Variants in HEATR6 observed in about 807,000 individuals in gnomAD.
HEATR6 encodes HEAT repeat-containing protein 6.
In HEATR6, 106 loss-of-function variants were observed where a neutral mutation model predicts 132.8. The ratio of observed to expected loss-of-function variants is 0.80; its 90% CI spans 0.68 to 0.94. The LOEUF is 0.94. Among genes scored for constraint, HEATR6 ranks in the 40% least tolerant of loss-of-function variants. The probability of loss-of-function intolerance (pLI) is 0.00; values close to 1 mark genes in which losing one functional copy is unlikely to be tolerated. For missense variants in HEATR6, 1,339 were observed against 1,425.1 expected, an observed-to-expected ratio of 0.94 and a Z score of 0.97; for synonymous variants, 529 against 537.8, an observed-to-expected ratio of 0.98 and a Z score of 0.23.
chr17:60,069,702 T>C lies in HEATR6; in HGVS notation c.939+9A>G. 1.9e-6 allele frequency: 3 copies of C among 1,612,958 alleles called. No homozygotes were observed. Among genetic ancestry groups the C allele is most frequent in the Non-Finnish European group, 1.7e-6 (2 of 1,179,344 alleles). On this transcript the variant is annotated intron_variant, in intron 7 of 19. Coordinates refer to ENST00000184956, the MANE Select transcript of HEATR6 (RefSeq NM_022070.5). The stretch of plus-strand genomic sequence containing the variant: ...GCCACAACTTAAATCTAAATAAACA[T>C]AAATGTACCAAAGTTGGTCGAGAAG...
chr17:60,051,912 T>G lies in HEATR6; in HGVS notation c.2290-935A>C, dbSNP rs568157930. Among the ~76,000 whole-genome samples, 7 of 152,302 alleles carry G rather than the reference T, an allele frequency of 4.6e-5. No individual in the cohort carries two copies. In the South Asian group the frequency reaches 1.5e-3, roughly 32 times the overall value. ...ACACAATTACAGTCACCTACTAATA[T>G]TTACACCCTTGTGTAGTCCCCTCCC... On this transcript the variant is annotated intron_variant, in intron 14 of 19. Coordinates refer to ENST00000184956, the MANE Select transcript of HEATR6 (RefSeq NM_022070.5).
rs144612232 is a variant in HEATR6, at chr17:60,064,250, A to G, written c.1416+1959T>C. On this transcript the variant is annotated intron_variant, in intron 9 of 19. Coordinates refer to ENST00000184956, the MANE Select transcript of HEATR6 (RefSeq NM_022070.5). ...GAACCCGGGAGGCAGAGGTTGCAGT[A>G]AGCTGAGATCTCACCATTGCACTCC... 9.6e-4 allele frequency: 148 copies of G among 154,078 alleles called. 2 individuals are homozygous for G. In the East Asian group the frequency reaches 0.026, roughly 27 times the overall value. 9.5% of individuals were successfully genotyped at this position (154,078 alleles called of 1,614,324 possible). A position where few individuals can be genotyped will look rare whatever the true frequency, so the allele number is the denominator to read the frequency against.
chr17:60,076,482 C>G (rs1244670782), intron 1 of HEATR6: 1 of 409,702 alleles, frequency 2.4e-6, no homozygotes, highest in East Asian at 4.5e-5. Context: ...GGGAGGACTG[C>G]TTGAGCCCAG....
chr17:60,066,145 A>G, intron 9 of HEATR6, 64 bp downstream of exon 9: 2 of 1,352,446 alleles, frequency 1.5e-6, no homozygotes, highest in Non-Finnish European at 2.1e-6. Context: ...TAAGGCAGAG[A>G]TAACAATAAG....
At chr17:60,069,906 A>G in intron 6 of HEATR6, 58 bp from the exon 7 acceptor site, 1 of 1,586,816 alleles carries the variant, frequency 6.3e-7, no homozygotes, top group African/African-American at 1.3e-5. Context: ...ACCATTAATC[A>G]TAAACCATTA....
intron 12 of HEATR6, 119 bp from the exon 13 acceptor site, chr17:60,056,356 T>C (rs1363350432): frequency 3.4e-6 from 3 of 870,940 alleles, no homozygotes; most frequent in East Asian, 2.7e-5. Flanking sequence ...ATCTGTTGAA[T>C]GAAATTAAGA....
At chr17:60,052,552 C>T (rs955263380) in intron 14 of HEATR6, among the ~76,000 whole-genome samples, 5 of 152,176 alleles carry the variant, frequency 3.3e-5, no homozygotes, top group African/African-American at 1.2e-4. Context: ...GCTCAACTCA[C>T]TTCCCTGCAC....
chr17:60,061,196 A>G (rs1336853303), intron 9 of HEATR6, among the ~76,000 whole-genome samples: 1 of 152,230 alleles, frequency 6.6e-6, no homozygotes, highest in Non-Finnish European at 1.5e-5. Context: ...CTCAATATGA[A>G]GCATATCTGA....
At position 60,078,792 on chromosome 17, in the gene HEATR6, G is replaced by A. The variant is rs1300853067; in HGVS notation, c.123C>T (p.Arg41=). 6 of 1,592,292 alleles carry A rather than the reference G, an allele frequency of 3.8e-6. No homozygotes were observed. The highest frequency in any genetic ancestry group is 1.3e-5 in the African/African-American group (1 of 74,648). The change falls in exon 1 of 20, where the codon CGC becomes CGT. Residue 41 remains arginine (R), a synonymous_variant. Transcript: ENST00000184956. ...RLLSARLCAL[R]PDDSSSARTE... is the part of the protein sequence containing the mutation. The stretch of plus-strand genomic sequence containing the variant: ...TGCGGGCGGAGCTGCTGTCATCCGG[G>A]CGCAGGGCGCAGAGCCTGGCAGACA...
At chr17:60,047,426 A>G in intron 17 of HEATR6, 21 bp from the exon 18 acceptor site, 1 of 1,471,274 alleles carries the variant, frequency 6.8e-7, no homozygotes, top group South Asian at 1.2e-5. Flanking sequence ...CAAAGCAGAC[A>G]ACACATGTTA....
rs2145176389 is a variant in HEATR6, at chr17:60,043,918, T to C, written c.3191A>G (p.Tyr1064Cys). The C allele has an allele frequency of 6.2e-7, 1 of 1,614,150 alleles. No individual in the cohort carries two copies. The highest frequency in any genetic ancestry group is 2.2e-5 in the East Asian group (1 of 44,888). Residue 1064 changes from tyrosine (Y) to cysteine (C), a missense_variant, in exon 20 of 20, where the codon TAC becomes TGC. Physicochemically the swap from Tyr to Cys is radical, Grantham distance 194 (BLOSUM62 -2). Transcript: ENST00000184956. ...EDTIDFLEFK[Y>C]CVSLRTQICQ... ...GATTTGGGTCCGTAGGCTGACACAG[T>C]ACTTGAATTCCAAAAAGTCTATGGT... is the stretch of plus-strand genomic sequence containing the variant.
intron 2 of HEATR6, among the ~76,000 whole-genome samples, chr17:60,074,674 T>C (rs1301898187): frequency 6.6e-6 from 1 of 152,160 alleles, no homozygotes; most frequent in Non-Finnish European, 1.5e-5. Flanking sequence ...GACCTAAGGG[T>C]AAACGCTAAT....
chr17:60,072,216 A>G lies in HEATR6; in HGVS notation c.698T>C (p.Met233Thr). ...SSDMDDITFC[M>T]LLQNALKGIQ... ...CTACGTCAATGATAGTCCACTTACC[A>G]TGCAAAATGTGATATCATCCATATC... is the stretch of plus-strand genomic sequence containing the variant. Residue 233 changes from methionine to threonine, a missense_variant and splice_region_variant, in exon 5 of 20, where the codon ATG (methionine) becomes ACG (threonine). By Grantham distance (81) the Met-to-Thr change is moderately conservative (BLOSUM62 -1). Coordinates refer to ENST00000184956, the MANE Select transcript of HEATR6 (RefSeq NM_022070.5). 6.6e-7 allele frequency: 1 copy of G among 1,524,224 alleles called. No homozygotes were observed. Among genetic ancestry groups the G allele is most frequent in the Non-Finnish European group, 9.1e-7 (1 of 1,103,804 alleles). 94.4% of individuals were successfully genotyped at this position (1,524,224 alleles called of 1,614,324 possible). A position where few individuals can be genotyped will look rare whatever the true frequency, so the allele number is the denominator to read the frequency against.
At chr17:60,062,792 A>G (rs2083219102) in intron 9 of HEATR6, among the ~76,000 whole-genome samples, 1 of 152,184 alleles carries the variant, frequency 6.6e-6, no homozygotes, top group African/African-American at 2.4e-5. Flanking sequence ...ATCTCCCAGC[A>G]TTCTCACGTG....
intron 19 of HEATR6, 115 bp from the exon 20 acceptor site, chr17:60,044,249 T>G (rs1906288740): frequency 2.8e-6 from 2 of 712,276 alleles, no homozygotes; most frequent in Admixed American, 2.9e-5. Context: ...ATTTTATGTG[T>G]TCACTTCATT....
chr17:60,047,680 A>G (rs72840340), intron 17 of HEATR6, among the ~76,000 whole-genome samples: 187 of 152,196 alleles, frequency 1.2e-3, no homozygotes, highest in Non-Finnish European at 2.1e-3. Flanking sequence ...ACTAAAACAA[A>G]TGTTCAGTAA....
intron 16 of HEATR6, 140 bp from the exon 17 acceptor site, chr17:60,048,528 T>G (rs1297352978): frequency 1.2e-6 from 1 of 842,186 alleles, no homozygotes; most frequent in African/African-American, 1.7e-5. Flanking sequence ...CTCAATCAAT[T>G]TACTGTTCTT....
intron 12 of HEATR6, 96 bp downstream of exon 12, chr17:60,056,952 G>T: frequency 1.3e-6 from 1 of 790,972 alleles, no homozygotes; most frequent in South Asian, 1.8e-5. Context: ...GAACACAATT[G>T]ACATATGGCT....
rs1432707643 is a variant in HEATR6 at position 60,047,320 on chromosome 17, C to T, written c.2758G>A (p.Asp920Asn). The T allele has an allele frequency of 6.2e-7, 1 of 1,608,410 alleles. No individual in the cohort carries two copies. The highest frequency in any genetic ancestry group is 8.5e-7 in the Non-Finnish European group (1 of 1,176,068). Residue 920 changes from aspartate to asparagine, a missense_variant, in exon 18 of 20, where the codon GAT becomes AAT. Physicochemically the swap from Asp to Asn is conservative, Grantham distance 23. Transcript: ENST00000184956. Reference protein sequence around the residue: ...MLRSAIEASKDKDKVKSNAVR... With the variant: ...MLRSAIEASKNKDKVKSNAVR... ...TGTTGTGAGTCTACCTTGTCTTTAT[C>T]CTTGGATGCTTCTATAGCTGATCGT... is the stretch of plus-strand genomic sequence containing the variant.
Sources: allele counts gnomAD v4.1 joint callset (sites outside exome capture counted in the v4.1 genomes callset), GRCh38; gene constraint gnomAD v4.1.1; transcripts MANE v1.5; gene names NCBI Gene and HGNC (gene_info 2026-07-23, HGNC 2026-07-21).